The following LGR6 variants were observed in gnomAD, a reference collection of about 807,000 sequenced individuals.
LGR6 encodes leucine-rich repeat-containing G protein-coupled receptor 6.
LGR6 carries 45 observed loss-of-function variants against 69.4 expected under a neutral mutation model. That is an observed-to-expected ratio of 0.65 (90% CI 0.51 to 0.83). LGR6 has a LOEUF of 0.83. Ranked by LOEUF, LGR6 falls within the 40% of genes least tolerant of loss-of-function variation. LGR6 has a pLI of 0.00. For synonymous variants in LGR6, 538 were observed against 555.0 expected (o/e 0.97, Z 0.43); for missense variants, 1,108 against 1,246.7 (o/e 0.89, Z 1.68).
chr1:202,214,087 AG>A, intron 1 of LGR6: 2 of 1,378,344 alleles, frequency 1.5e-6, no homozygotes, highest in Non-Finnish European at 9.4e-7. Flanking sequence ...GCAGAACGAG[AG>A]AGGATCAGCG....
chr1:202,259,179 G>C (rs1035905255), intron 4 of LGR6, among the ~76,000 whole-genome samples: 2 of 151,994 alleles, frequency 1.3e-5, no homozygotes, highest in Non-Finnish European at 2.9e-5. Context: ...ATTACAATAT[G>C]TACATCCTAA....
intron 16 of LGR6, among the ~76,000 whole-genome samples, chr1:202,311,065 A>G (rs995983366): frequency 5.9e-5 from 9 of 151,970 alleles, no homozygotes; most frequent in Admixed American, 4.6e-4. Flanking sequence ...TATCTTAGAT[A>G]CCAAGGGCAG....
rs144062530 is a variant in LGR6 at position 202,199,112 on chromosome 1, A to G, written c.212+4911A>G. ...TTTGGATGAAAAACTAGAAAGTGGG[A>G]GAGGCAGGGAGCAATCCACTTTGAA... On this transcript the variant is annotated intron_variant, in intron 1 of 17. Transcript: ENST00000367278. 3.1e-3 allele frequency among the ~76,000 whole-genome samples: 469 copies of G among 152,216 alleles called. 3 individuals carry two copies. Among genetic ancestry groups the G allele is most frequent in the African/African-American group, 0.011 (450 of 41,522 alleles).
intron 1 of LGR6, among the ~76,000 whole-genome samples, chr1:202,200,193 C>T (rs941937862): frequency 6.6e-6 from 1 of 152,204 alleles, no homozygotes; most frequent in African/African-American, 2.4e-5. Flanking sequence ...AGGGGATGCC[C>T]GGAGGAGCTG....
chr1:202,282,614 G>A (rs1666093189), intron 6 of LGR6, among the ~76,000 whole-genome samples: 1 of 152,198 alleles, frequency 6.6e-6, no homozygotes, highest in South Asian at 2.1e-4. Flanking sequence ...GGAGTCCAAT[G>A]CCATGAACCC....
chr1:202,215,770 G>A (rs576295649), intron 1 of LGR6, among the ~76,000 whole-genome samples: 38 of 152,360 alleles, frequency 2.5e-4, no homozygotes, highest in African/African-American at 3.6e-4. Context: ...ATGTGACAAG[G>A]ACAGACAACT....
intron 4 of LGR6, among the ~76,000 whole-genome samples, chr1:202,252,975 G>A (rs1010269606): frequency 5.3e-5 from 8 of 152,358 alleles, no homozygotes; most frequent in Middle Eastern, 3.4e-3. Flanking sequence ...AACGCACCCA[G>A]CAGGAAGACA....
chr1:202,231,081 C>T (rs891465636), intron 3 of LGR6, among the ~76,000 whole-genome samples: 1 of 152,206 alleles, frequency 6.6e-6, no homozygotes, highest in African/African-American at 2.4e-5. Context: ...TCCTGAGCTG[C>T]GGCCCATCCC....
At chr1:202,199,516 G>A (rs1331169997) in intron 1 of LGR6, among the ~76,000 whole-genome samples, 2 of 152,188 alleles carry the variant, frequency 1.3e-5, no homozygotes, top group Non-Finnish European at 2.9e-5. Context: ...CGGGTGGGGC[G>A]GCTGGCGGAG....
chr1:202,283,673 C>T (rs555655184), intron 6 of LGR6, among the ~76,000 whole-genome samples: 2 of 152,334 alleles, frequency 1.3e-5, no homozygotes, highest in African/African-American at 4.8e-5. Context: ...CGGGCATGCA[C>T]ACACGTGGTC....
At chr1:202,201,069 T>C (rs1658820563) in intron 1 of LGR6, among the ~76,000 whole-genome samples, 1 of 152,198 alleles carries the variant, frequency 6.6e-6, no homozygotes, top group Non-Finnish European at 1.5e-5. Context: ...TCTTCAATTC[T>C]CCCCATCCCT....
chr1:202,268,456 CT>C lies in LGR6; in HGVS notation c.429-7837del, dbSNP rs375066995. On this transcript the variant is annotated intron_variant, in intron 4 of 17. Coordinates refer to ENST00000367278, the MANE Select transcript of LGR6 (RefSeq NM_001017403.2). The surrounding 1 kb of genome is among the most constrained non-coding windows in gnomAD (Gnocchi z 4.4). ...AGAATAACCATTTCCATAGTGGCTG[CT>C]TTTTTTTTTTTTAACTTTTAATATC... Among the ~76,000 whole-genome samples, 780 of 144,800 alleles carry C rather than the reference CT, an allele frequency of 5.4e-3. 1 individual carries two copies. The highest frequency in any genetic ancestry group is 7.0e-3 in the Middle Eastern group (2 of 284). The allele number at this position is 144,800 out of a possible 152,430, so 95.0% of individuals were successfully genotyped here. A position where few individuals can be genotyped will look rare whatever the true frequency, so the allele number is the denominator to read the frequency against.
chr1:202,245,091 C>T (rs1456574718), intron 4 of LGR6, among the ~76,000 whole-genome samples: 1 of 152,212 alleles, frequency 6.6e-6, no homozygotes, highest in African/African-American at 2.4e-5. Flanking sequence ...CCTGTTGGCA[C>T]CACCCATCCT....
intron 1 of LGR6, chr1:202,214,074 G>A (rs1659586290): frequency 5.1e-6 from 7 of 1,364,064 alleles, no homozygotes; most frequent in Admixed American, 4.0e-5. Context: ...TACGAGAGAA[G>A]CGGCAGAACG....
chr1:202,200,711 A>G (rs1042459476), intron 1 of LGR6, among the ~76,000 whole-genome samples: 5 of 152,152 alleles, frequency 3.3e-5, no homozygotes, highest in Non-Finnish European at 7.3e-5. Flanking sequence ...TCCAGTCCCT[A>G]ATGACAATTC....
At chr1:202,195,644 C>G (rs576058127) in intron 1 of LGR6, among the ~76,000 whole-genome samples, 1 of 152,330 alleles carries the variant, frequency 6.6e-6, no homozygotes, top group South Asian at 2.1e-4. Flanking sequence ...ACACACAGGC[C>G]AGCCCCTCTT....
intron 5 of LGR6, among the ~76,000 whole-genome samples, chr1:202,277,420 G>C (rs1665659936): frequency 6.6e-6 from 1 of 152,130 alleles, no homozygotes; most frequent in African/African-American, 2.4e-5. Flanking sequence ...TCTTCTGTCA[G>C]GGTGCCATAC....
chr1:202,289,142 A>T (rs1558065512), intron 6 of LGR6, among the ~76,000 whole-genome samples: 1 of 152,234 alleles, frequency 6.6e-6, no homozygotes, highest in Non-Finnish European at 1.5e-5. Context: ...TGGAAGGCAG[A>T]TTACATTTTA....
At chr1:202,232,222 A>C (rs1661144184) in intron 3 of LGR6, among the ~76,000 whole-genome samples, 1 of 152,138 alleles carries the variant, frequency 6.6e-6, no homozygotes, top group African/African-American at 2.4e-5. Flanking sequence ...TACCCACCCC[A>C]TAACCCCCAA....
Sources: gnomAD v4.1 joint callset for allele counts (sites outside exome capture counted in the v4.1 genomes callset) on GRCh38, gnomAD v4.1.1 for gene constraint, Gnocchi (gnomAD v3.1) non-coding constraint, MANE v1.5 for transcripts, NCBI Gene and HGNC (gene_info 2026-07-23, HGNC 2026-07-21) for gene names.